Variants in MEF2C observed in about 807,000 individuals in gnomAD.
The protein encoded by MEF2C is myocyte enhancer factor 2C, also known as myocyte-specific enhancer factor 2C.
In MEF2C, 6 loss-of-function variants were observed where a neutral mutation model predicts 50.5. The ratio of observed to expected loss-of-function variants is 0.12; its 90% CI spans 0.07 to 0.23. The LOEUF is 0.23. Ranked by LOEUF, MEF2C falls within the 10% of genes least tolerant of loss-of-function variation. The probability of loss-of-function intolerance (pLI) is 1.00; values close to 1 mark genes in which losing one functional copy is unlikely to be tolerated. For synonymous variants in MEF2C, 183 were observed against 228.0 expected (o/e 0.80, Z 1.78); for missense variants, 276 against 605.0 (o/e 0.46, Z 5.70).
chr5:88,866,470 T>G (rs1827426131), intron 1 of MEF2C, among the ~76,000 whole-genome samples: 1 of 152,174 alleles, frequency 6.6e-6, no homozygotes, highest in Non-Finnish European at 1.5e-5. Flanking sequence ...TGTCCTCACT[T>G]CTAGTCAGCA....
In MEF2C at chr5:88,741,060, C is replaced by T. The variant is rs577554120; in HGVS notation, c.637+8010G>A. ...AACGTTCAAAGTGAAATGTGTTGCA[C>T]TGTACTGTACTGCTCTCACATTCTG... On this transcript the variant is annotated intron_variant, in intron 6 of 10. Transcript: ENST00000504921. 315 of 985,424 alleles carry T rather than the reference C, an allele frequency of 3.2e-4. 1 individual carries two copies. In the African/African-American group the frequency reaches 5.2e-3, roughly 16 times the overall value. 61.0% of individuals were successfully genotyped at this position (985,424 alleles called of 1,614,324 possible). A position where few individuals can be genotyped will look rare whatever the true frequency, so the allele number is the denominator to read the frequency against.
chr5:88,887,914 T>A (rs1052747032), upstream of MEF2C, among the ~76,000 whole-genome samples: 1 of 152,250 alleles, frequency 6.6e-6, no homozygotes, highest in Non-Finnish European at 1.5e-5. Flanking sequence ...AGACAAGGTT[T>A]ACACATATCT....
At chr5:88,770,949 T>C (rs1265934939) in intron 3 of MEF2C, among the ~76,000 whole-genome samples, 3 of 152,108 alleles carry the variant, frequency 2.0e-5, no homozygotes, top group African/African-American at 7.2e-5. Context: ...TAAAGAAAAA[T>C]AGGTTTAATG....
At chr5:88,759,317 T>A (rs572573948) in intron 4 of MEF2C, among the ~76,000 whole-genome samples, 1 of 152,166 alleles carries the variant, frequency 6.6e-6, no homozygotes, top group African/African-American at 2.4e-5. Context: ...ATTCCATCTC[T>A]ACTAAAAATA....
intron 1 of MEF2C, among the ~76,000 whole-genome samples, chr5:88,837,903 T>C (rs959347333): frequency 5.9e-5 from 9 of 152,310 alleles, no homozygotes; most frequent in African/African-American, 2.2e-4. Context: ...AAGCTTTACA[T>C]ATATTAACTC....
intron 1 of MEF2C, chr5:88,825,370 C>T (rs1195176449): frequency 2.7e-6 from 1 of 364,372 alleles, no homozygotes; most frequent in Non-Finnish European, 3.8e-6. Flanking sequence ...ACTATCCATT[C>T]TCTTTTGCCT....
chr5:88,759,157 A>T (rs1474182968), intron 4 of MEF2C, among the ~76,000 whole-genome samples: 1 of 152,236 alleles, frequency 6.6e-6, no homozygotes, highest in African/African-American at 2.4e-5. Context: ...TGTATTATAT[A>T]GCAAGATAAA....
At chr5:88,897,014 A>G (rs889647226) in intron 1 of MEF2C, among the ~76,000 whole-genome samples, 36 of 152,132 alleles carry the variant, frequency 2.4e-4, no homozygotes, top group African/African-American at 7.9e-4. Context: ...GGAAAATTAC[A>G]TTTTCTGTTT....
intron 3 of MEF2C, among the ~76,000 whole-genome samples, chr5:88,791,318 C>T (rs1793638372): frequency 1.3e-5 from 2 of 151,950 alleles, no homozygotes; most frequent in South Asian, 4.1e-4. Context: ...CTTTGTTTTG[C>T]TCTAGTTCAG....
chr5:88,876,257 T>TA (rs964363894), intron 1 of MEF2C, among the ~76,000 whole-genome samples: 6 of 151,870 alleles, frequency 4.0e-5, no homozygotes, highest in African/African-American at 1.5e-4. Context: ...ACTATATTCT[T>TA]AAAATGTGTG....
intron 3 of MEF2C, among the ~76,000 whole-genome samples, chr5:88,800,565 C>A (rs892466743): frequency 6.6e-6 from 1 of 152,134 alleles, no homozygotes. Context: ...AAGTACTCAA[C>A]AACCACATCT....
chr5:88,831,132 T>C (rs1812843242), intron 1 of MEF2C, among the ~76,000 whole-genome samples: 1 of 152,138 alleles, frequency 6.6e-6, no homozygotes. Context: ...ACGATTAAAA[T>C]GGAAATACTC....
intron 6 of MEF2C, chr5:88,746,599 A>G (rs1045887276): frequency 3.6e-5 from 35 of 985,260 alleles, no homozygotes; most frequent in Non-Finnish European, 4.0e-5. Flanking sequence ...TTTGGAAGCT[A>G]TATTTTGGCC....
chr5:88,766,147 T>C (rs369382922), intron 3 of MEF2C, among the ~76,000 whole-genome samples: 1 of 152,188 alleles, frequency 6.6e-6, no homozygotes, highest in East Asian at 1.9e-4. Flanking sequence ...CATTATTCCA[T>C]TTGCTCATCG....
chr5:88,869,296 C>CATATATATATAT (rs1561421061), intron 1 of MEF2C, among the ~76,000 whole-genome samples: 1 of 104,870 alleles, frequency 9.5e-6, no homozygotes, highest in African/African-American at 3.7e-5. Context: ...TATATATATA[C>CATATATATATAT]ACATATATAT....
At chr5:88,769,565 TAA>T (rs1781493405) in intron 3 of MEF2C, among the ~76,000 whole-genome samples, 1 of 152,212 alleles carries the variant, frequency 6.6e-6, no homozygotes, top group South Asian at 2.1e-4. Flanking sequence ...AGTGAAATAC[TAA>T]AGAGAGAACA....
At chr5:88,844,409 T>C (rs1054475838) in intron 1 of MEF2C, among the ~76,000 whole-genome samples, 2 of 152,218 alleles carry the variant, frequency 1.3e-5, no homozygotes, top group African/African-American at 4.8e-5. Context: ...AAATATTATA[T>C]GTCAAAGTCC....
intron 3 of MEF2C, among the ~76,000 whole-genome samples, chr5:88,763,695 C>A (rs1251881107): frequency 6.6e-6 from 1 of 151,336 alleles, no homozygotes; most frequent in Non-Finnish European, 1.5e-5. Flanking sequence ...CTCTGTTGCC[C>A]AGGCTGGAAT....
intron 3 of MEF2C, chr5:88,770,119 A>G: frequency 4.1e-6 from 2 of 486,654 alleles, no homozygotes; most frequent in Non-Finnish European, 5.3e-6. Flanking sequence ...GAGTAAATTA[A>G]TATAAGATCA....
Sources: gnomAD v4.1 joint callset for allele counts (sites outside exome capture counted in the v4.1 genomes callset) on GRCh38, gnomAD v4.1.1 for gene constraint, MANE v1.5 for transcripts, NCBI Gene and HGNC (gene_info 2026-07-23, HGNC 2026-07-21) for gene names.